The following TMC6 variants were observed in gnomAD, a reference collection of about 807,000 sequenced individuals.
The protein encoded by TMC6 is transmembrane channel like 6.
A neutral mutation model predicts 95.4 loss-of-function variants in TMC6; 71 were observed. The observed-to-expected ratio is 0.74, with a 90% CI of 0.61 to 0.91. The LOEUF is 0.91. Among genes scored for constraint, TMC6 ranks in the 40% least tolerant of loss-of-function variants. TMC6 has a pLI of 0.00. For synonymous variants in TMC6, 514 were observed against 483.1 expected, an observed-to-expected ratio of 1.06 and a Z score of -0.84; for missense variants, 1,074 against 1,079.1, an observed-to-expected ratio of 1.00 and a Z score of 0.07.
rs938377948 is a variant in TMC6 at position 78,110,576 on chromosome 17, T to A, written c.*2572A>T. On this transcript the variant is annotated 3_prime_UTR_variant, in exon 20 of 20. Coordinates refer to ENST00000590602, the MANE Select transcript of TMC6 (RefSeq NM_001127198.5). ...ACCACCTCCAGCAAGTACCAGTGTT[T>A]TTAAAACCTCCCTGGTAGATTCCGT... is the stretch of plus-strand genomic sequence containing the variant. The A allele has an allele frequency of 3.9e-5, 6 of 152,224 alleles. No homozygotes were observed. The highest frequency in any genetic ancestry group is 8.8e-5 in the Non-Finnish European group (6 of 68,042). The allele number at this position is 152,224 out of a possible 1,614,324, so 9.4% of individuals were successfully genotyped here. A position where few individuals can be genotyped will look rare whatever the true frequency, so the allele number is the denominator to read the frequency against.
chr17:78,124,395 C>G (rs2074587969), intron 8 of TMC6, 129 bp downstream of exon 8: 9 of 1,474,704 alleles, frequency 6.1e-6, no homozygotes, highest in Non-Finnish European at 8.3e-6. Flanking sequence ...GGGGAGCTGG[C>G]TGTGGCCACC....
chr17:78,117,025 AC>A (rs551251137), intron 18 of TMC6, among the ~76,000 whole-genome samples: 3 of 152,084 alleles, frequency 2.0e-5, no homozygotes, highest in Non-Finnish European at 4.4e-5. Context: ...ATCACACCCC[AC>A]CCCCCAGAGC....
At chr17:78,126,073 T>G in intron 4 of TMC6, 189 bp from the exon 5 acceptor site, 1 of 1,128,418 alleles carries the variant, frequency 8.9e-7, no homozygotes, top group Non-Finnish European at 1.2e-6. Flanking sequence ...GGAGTCATTT[T>G]TGGAGCCCAG....
Position 78,122,954 on chromosome 17 carries a change from T to C in TMC6, c.1083-205A>G. On this transcript the variant is annotated intron_variant, in intron 9 of 19. Coordinates refer to ENST00000590602, the MANE Select transcript of TMC6 (RefSeq NM_001127198.5). The surrounding 1 kb of genome is among the most constrained non-coding windows in gnomAD (Gnocchi z 4.9). ...TCCAACATAGCACCCACCAGCCACATCTGCCTAGAAGAGGGGGCAGGGCTG... is the reference window on the plus strand; with the variant it reads ...TCCAACATAGCACCCACCAGCCACACCTGCCTAGAAGAGGGGGCAGGGCTG... 1.4e-6 allele frequency: 1 copy of C among 697,044 alleles called. No homozygotes were observed. The highest frequency in any genetic ancestry group is 2.5e-6 in the Non-Finnish European group (1 of 407,414). 43.2% of individuals were successfully genotyped at this position (697,044 alleles called of 1,614,324 possible).
At position 78,125,812 on chromosome 17, in the gene TMC6, G is replaced by GGCC; in HGVS notation, c.341_343dup (p.Arg114dup). ...GGAGCGGACAAAGTTCCCGAGCAGG[G>GGCC]GCCGGCTGCTCCTGCACCGAAGCTG... On this transcript the variant is annotated inframe_insertion, in exon 5 of 20. Coordinates refer to ENST00000590602, the MANE Select transcript of TMC6 (RefSeq NM_001127198.5). 6.4e-7 allele frequency: 1 copy of GGCC among 1,557,456 alleles called. No homozygotes were observed. Among genetic ancestry groups the GGCC allele is most frequent in the Non-Finnish European group, 8.7e-7 (1 of 1,150,734 alleles).
At position 78,109,982 on chromosome 17, in the gene TMC6, C is replaced by T. The variant is rs2073792960; in HGVS notation, c.*3166G>A. On this transcript the variant is annotated 3_prime_UTR_variant, in exon 20 of 20. Transcript: ENST00000590602. The stretch of plus-strand genomic sequence containing the variant: ...TTGGGAAGCTGAGGCAGGAGAATGG[C>T]TTGAACCCAGTAGGCGGAGGTTGCG... 5.5e-6 allele frequency: 1 copy of T among 180,204 alleles called. No homozygotes were observed. The highest frequency in any genetic ancestry group is 2.4e-5 in the African/African-American group (1 of 42,044). 11.2% of individuals were successfully genotyped at this position (180,204 alleles called of 1,614,324 possible).
chr17:78,119,592 G>A (rs1404210738), intron 13 of TMC6, among the ~76,000 whole-genome samples, 200 bp from the exon 14 acceptor site: 4 of 152,142 alleles, frequency 2.6e-5, no homozygotes, highest in East Asian at 1.9e-4. Context: ...AAGTAGGTTC[G>A]GATACACCCG....
Position 78,125,181 on chromosome 17 carries a change from G to C in TMC6, c.513C>G (p.Ser171Arg). The C allele has an allele frequency of 6.3e-7, 1 of 1,578,966 alleles. No homozygotes were observed. The change falls in exon 6 of 20, where the codon AGC (serine) becomes AGG (arginine). Residue 171 changes from serine (S) to arginine (R), a missense_variant. By Grantham distance (110) the Ser-to-Arg change is moderately radical. Coordinates refer to ENST00000590602, the MANE Select transcript of TMC6 (RefSeq NM_001127198.5). ...RDHMLRGMPL[S>R]LAEKRSLREK... ...ACCGCAGGCTGCGTTTCTCAGCCAG[G>C]CTTAAGGGCATCCCGCGAAGCATGT... is the stretch of plus-strand genomic sequence containing the variant.
chr17:78,116,733 G>C (rs1236433893), intron 18 of TMC6, among the ~76,000 whole-genome samples: 3 of 152,122 alleles, frequency 2.0e-5, no homozygotes, highest in Non-Finnish European at 4.4e-5. Context: ...ACACAAAAAA[G>C]TAGCCGGAGT....
chr17:78,112,009 C>T lies in TMC6; in HGVS notation c.*1139G>A, dbSNP rs564429225. Reference sequence around the variant, plus strand: ...CCCGCAGGCCTGGAGCACAGGCTGACGGGCTGGTCCCCACAGACCTGGAGC... The same window carrying T: ...CCCGCAGGCCTGGAGCACAGGCTGATGGGCTGGTCCCCACAGACCTGGAGC... On this transcript the variant is annotated 3_prime_UTR_variant, in exon 20 of 20. Coordinates refer to ENST00000590602, the MANE Select transcript of TMC6 (RefSeq NM_001127198.5). 1.4e-3 allele frequency: 327 copies of T among 227,476 alleles called. 1 individual carries two copies. The highest frequency in any genetic ancestry group is 2.4e-3 in the Non-Finnish European group (266 of 110,858). 14.1% of individuals were successfully genotyped at this position (227,476 alleles called of 1,614,324 possible).
upstream of TMC6, chr17:78,131,365 C>T (rs1680402748): frequency 1.6e-6 from 1 of 632,680 alleles, no homozygotes; most frequent in South Asian, 1.9e-5. Context: ...AGGATTCTCT[C>T]TCATTTCTGA....
At position 78,109,186 on chromosome 17, in the gene TMC6, CAGCTAGCAGTGTGGCGTGCCA is replaced by C. The variant is rs2073774124; in HGVS notation, c.*3941_*3961del. On this transcript the variant is annotated 3_prime_UTR_variant, in exon 20 of 20. Coordinates refer to ENST00000590602, the MANE Select transcript of TMC6 (RefSeq NM_001127198.5). Reference sequence around the variant, plus strand: ...TAAAGGCAGAAAGCACAGTGCCCAGCAGCTAGCAGTGTGGCGTGCCAAGAAGGCTGTTCCAATGGGGGAGAA... The same window carrying C: ...TAAAGGCAGAAAGCACAGTGCCCAGCAGAAGGCTGTTCCAATGGGGGAGAA... 3.0e-6 allele frequency: 1 copy of C among 334,704 alleles called. No individual in the cohort carries two copies. Among genetic ancestry groups the C allele is most frequent in the African/African-American group, 2.2e-5 (1 of 46,368 alleles). The allele number at this position is 334,704 out of a possible 1,614,324, so 20.7% of individuals were successfully genotyped here. A position where few individuals can be genotyped will look rare whatever the true frequency, so the allele number is the denominator to read the frequency against.
rs2074641883 is a variant in TMC6 at position 78,125,156 on chromosome 17, A to G, written c.536+2T>C. 6.4e-7 allele frequency: 1 copy of G among 1,559,536 alleles called. No homozygotes were observed. The highest frequency in any genetic ancestry group is 1.9e-5 in the Admixed American group (1 of 51,964). ...GGCATGGTCAGGGTCGGGGCTGCTC[A>G]CCGCAGGCTGCGTTTCTCAGCCAGG... On this transcript the variant is annotated splice_donor_variant, in intron 6 of 19. Coordinates refer to ENST00000590602, the MANE Select transcript of TMC6 (RefSeq NM_001127198.5). LOFTEE classifies it high-confidence loss of function.
chr17:78,131,812 A>G (rs2074986141), upstream of TMC6: 1 of 1,509,014 alleles, frequency 6.6e-7, no homozygotes, highest in South Asian at 1.2e-5. Flanking sequence ...GTGTGGGAGC[A>G]CCCCGTCTGC....
upstream of TMC6, chr17:78,131,805 T>C: frequency 2.0e-6 from 3 of 1,521,690 alleles, no homozygotes; most frequent in Admixed American, 4.0e-5. Flanking sequence ...TCGGATGGTG[T>C]GGGAGCACCC....
At chr17:78,132,099 A>G (rs1239074798), upstream of TMC6, 7 of 1,531,746 alleles carry the variant, frequency 4.6e-6, no homozygotes, top group East Asian at 1.7e-4. Context: ...CGGAAAAAGG[A>G]GAGTGGCATC....
Position 78,109,154 on chromosome 17 carries a change from A to C in TMC6, c.*3994T>G, listed in dbSNP as rs555499951. On this transcript the variant is annotated 3_prime_UTR_variant, in exon 20 of 20. Coordinates refer to ENST00000590602, the MANE Select transcript of TMC6 (RefSeq NM_001127198.5). ...GCTGCTATTTTGGCAACATCACGGC[A>C]GAACGGTAAAGGCAGAAAGCACAGT... 1 of 300,164 alleles carries C rather than the reference A, an allele frequency of 3.3e-6. No individual in the cohort carries two copies. The highest frequency in any genetic ancestry group is 6.6e-6 in the Non-Finnish European group (1 of 151,556). 18.6% of individuals were successfully genotyped at this position (300,164 alleles called of 1,614,324 possible). A position where few individuals can be genotyped will look rare whatever the true frequency, so the allele number is the denominator to read the frequency against.
At chr17:78,123,620 G>A (rs552134348) in intron 9 of TMC6, among the ~76,000 whole-genome samples, 4 of 145,748 alleles carry the variant, frequency 2.7e-5, no homozygotes, top group South Asian at 2.3e-4. Context: ...TGAATGGGTG[G>A]ATGGGTGGAT....
intron 8 of TMC6, 87 bp downstream of exon 8, chr17:78,124,437 C>T (rs1332612212): frequency 6.3e-7 from 1 of 1,584,906 alleles, no homozygotes; most frequent in African/African-American, 1.3e-5. Flanking sequence ...GTTGGGGGCC[C>T]CAGGGGAGCT....
Sources: gnomAD v4.1 joint callset for allele counts (sites outside exome capture counted in the v4.1 genomes callset) on GRCh38, gnomAD v4.1.1 for gene constraint, Gnocchi (gnomAD v3.1) non-coding constraint, MANE v1.5 for transcripts, NCBI Gene and HGNC (gene_info 2026-07-23, HGNC 2026-07-21) for gene names.